Variants in GPHN observed in about 807,000 individuals in gnomAD.
GPHN encodes gephyrin.
Under a neutral mutation model 95.5 loss-of-function variants are expected in GPHN, and 17 were observed. That is an observed-to-expected ratio of 0.18 (90% CI 0.12 to 0.27). GPHN has a LOEUF of 0.27. GPHN is among the 10% of genes least tolerant of loss of function. The probability of loss-of-function intolerance (pLI) is 1.00; values close to 1 mark genes in which losing one functional copy is unlikely to be tolerated. For missense variants in GPHN, 660 were observed against 978.1 expected (o/e 0.67, Z 4.34); for synonymous variants, 320 against 322.5 (o/e 0.99, Z 0.08).
the GPHN span, among the ~76,000 whole-genome samples, chr14:67,486,246 G>A: frequency 1.3e-5 from 2 of 152,232 alleles, 1 homozygote; most frequent in South Asian, 4.1e-4. Context: ...TCTTGTGATA[G>A]TGAATAAATC....
chr14:67,717,306 A>G, the GPHN span, among the ~76,000 whole-genome samples: 1 of 152,224 alleles, frequency 6.6e-6, no homozygotes, highest in South Asian at 2.1e-4. Context: ...TTTTTGAAGT[A>G]TATGTGTACA....
the GPHN span, among the ~76,000 whole-genome samples, chr14:67,233,814 T>C: frequency 6.6e-6 from 1 of 152,226 alleles, no homozygotes; most frequent in Non-Finnish European, 1.5e-5. Flanking sequence ...AACTGGAAAC[T>C]GTGTCAGAAT....
At chr14:67,423,932 C>T in the GPHN span, among the ~76,000 whole-genome samples, 1 of 152,200 alleles carries the variant, frequency 6.6e-6, no homozygotes, top group African/African-American at 2.4e-5. Context: ...TAACACCAGG[C>T]ACTTTTTTAA....
intron 2 of GPHN, among the ~76,000 whole-genome samples, chr14:66,725,126 A>G (rs538887131): frequency 2.6e-5 from 4 of 152,344 alleles, no homozygotes; most frequent in Admixed American, 2.6e-4. Flanking sequence ...TCATGACAAC[A>G]CTGCAAGAAG....
intron 1 of GPHN, among the ~76,000 whole-genome samples, chr14:66,546,483 C>A (rs76195820): frequency 1.3e-5 from 2 of 152,264 alleles, no homozygotes; most frequent in South Asian, 4.1e-4. Context: ...TGGGCAACAT[C>A]GAGCACTGAG....
chr14:67,152,374 A>G (rs143902561), intron 18 of GPHN, among the ~76,000 whole-genome samples: 1,524 of 152,290 alleles, frequency 0.01, 26 homozygotes, highest in African/African-American at 0.033. Flanking sequence ...ATGTTATATG[A>G]TATTTAAAAA....
the GPHN span, among the ~76,000 whole-genome samples, chr14:67,685,386 GAGT>G: frequency 6.6e-6 from 1 of 152,160 alleles, no homozygotes; most frequent in East Asian, 1.9e-4. Flanking sequence ...GAAGGCTCTA[GAGT>G]AGACAGTGCT....
the GPHN span, among the ~76,000 whole-genome samples, chr14:67,482,813 T>C: frequency 6.6e-6 from 1 of 152,220 alleles, no homozygotes; most frequent in Non-Finnish European, 1.5e-5. Flanking sequence ...ACCCTCTTGC[T>C]GTGGGTGCCC....
At chr14:67,137,535 G>C (rs1320561769) in intron 17 of GPHN, among the ~76,000 whole-genome samples, 1 of 152,064 alleles carries the variant, frequency 6.6e-6, no homozygotes, top group Non-Finnish European at 1.5e-5. Flanking sequence ...AGGCTGAGGC[G>C]GGCAGATCTC....
chr14:66,824,449 T>A, intron 3 of GPHN, 25 bp from the exon 4 acceptor site: 1 of 1,275,134 alleles, frequency 7.8e-7, no homozygotes, highest in South Asian at 1.2e-5. Flanking sequence ...TTTCTGCACA[T>A]GACTATACTA....
chr14:67,557,215 T>C, the GPHN span: 3 of 1,541,338 alleles, frequency 1.9e-6, no homozygotes, highest in Non-Finnish European at 2.7e-6. Context: ...TACTGGCCAC[T>C]GCACACCCCG....
the GPHN span, among the ~76,000 whole-genome samples, chr14:67,713,430 G>A: frequency 6.8e-6 from 1 of 146,850 alleles, no homozygotes; most frequent in African/African-American, 2.5e-5. Flanking sequence ...AAAAAGAGGG[G>A]ATGTACAGCA....
intron 1 of GPHN, among the ~76,000 whole-genome samples, chr14:66,576,634 A>G (rs1360293193): frequency 6.6e-6 from 1 of 152,134 alleles, no homozygotes; most frequent in African/African-American, 2.4e-5. Context: ...TGCACAATCT[A>G]AGTTTATTTG....
At chr14:66,998,911 A>ACT (rs1479727645) in intron 9 of GPHN, among the ~76,000 whole-genome samples, 1 of 105,046 alleles carries the variant, frequency 9.5e-6, no homozygotes, top group Non-Finnish European at 1.5e-5. Context: ...ATATACACAT[A>ACT]TATATATATA....
chr14:67,580,561 T>C, the GPHN span, among the ~76,000 whole-genome samples: 54 of 152,372 alleles, frequency 3.5e-4, no homozygotes, highest in Admixed American at 2.5e-3. Context: ...TGTCTGGGCA[T>C]CTGTGAGGCT....
At chr14:67,557,031 C>T in the GPHN span, among the ~76,000 whole-genome samples, 1 of 152,204 alleles carries the variant, frequency 6.6e-6, no homozygotes, top group East Asian at 1.9e-4. Flanking sequence ...CCTCCTCTTA[C>T]CTATCTCTCC....
At chr14:66,829,106 G>C (rs1296945171) in intron 4 of GPHN, among the ~76,000 whole-genome samples, 1 of 18,014 alleles carries the variant, frequency 5.6e-5, no homozygotes, top group Non-Finnish European at 1.1e-4. Context: ...TTTTTTTTTT[G>C]AGACAGAGTC....
intron 18 of GPHN, among the ~76,000 whole-genome samples, chr14:67,157,340 AATAAT>A: frequency 6.6e-6 from 1 of 152,298 alleles, no homozygotes; most frequent in Admixed American, 6.5e-5. Context: ...TACTATATCT[AATAAT>A]ATAACCTCAA....
At chr14:67,114,030 T>G (rs1459960243) in intron 16 of GPHN, among the ~76,000 whole-genome samples, 1 of 152,178 alleles carries the variant, frequency 6.6e-6, no homozygotes, top group Non-Finnish European at 1.5e-5. Flanking sequence ...TATTTTTAAT[T>G]TCTTGAAGTC....
Sources: gnomAD v4.1 joint callset for allele counts (sites outside exome capture counted in the v4.1 genomes callset) on GRCh38, gnomAD v4.1.1 for gene constraint, MANE v1.5 for transcripts, NCBI Gene and HGNC (gene_info 2026-07-23, HGNC 2026-07-21) for gene names.